Variants in SUGCT observed in about 807,000 individuals in gnomAD.
SUGCT encodes succinyl-CoA:glutarate CoA-transferase.
A neutral mutation model predicts 55.0 loss-of-function variants in SUGCT; 41 were observed. The ratio of observed to expected loss-of-function variants is 0.74; its 90% CI spans 0.58 to 0.97. The LOEUF is 0.97. SUGCT is among the 50% of genes least tolerant of loss of function. The probability of loss-of-function intolerance (pLI) is 0.00; values close to 1 mark genes in which losing one functional copy is unlikely to be tolerated. For missense variants in SUGCT, 568 were observed against 547.8 expected (o/e 1.04, Z -0.37); for synonymous variants, 187 against 200.4 (o/e 0.93, Z 0.56).
chr7:40,191,688 C>T (rs1762370781), intron 5 of SUGCT, among the ~76,000 whole-genome samples: 2 of 152,228 alleles, frequency 1.3e-5, no homozygotes, highest in Admixed American at 6.5e-5. Context: ...TGGGAACCAC[C>T]ATGGCCAGCC....
chr7:40,703,901 A>G (rs1785277331), intron 12 of SUGCT, among the ~76,000 whole-genome samples: 1 of 152,258 alleles, frequency 6.6e-6, no homozygotes, highest in Non-Finnish European at 1.5e-5. Context: ...GGAGCTCTAA[A>G]GCCACTAAAG....
rs549025119 is a variant in SUGCT at position 40,320,101 on chromosome 7, T to C, written c.816+3246T>C. On this transcript the variant is annotated intron_variant, in intron 9 of 13. Coordinates refer to ENST00000335693, the MANE Select transcript of SUGCT (RefSeq NM_001193313.2). The stretch of plus-strand genomic sequence containing the variant: ...TAAGGGATTAATAGTTACATAATAT[T>C]TGTTAATTTTTTGTTTTTTTTTTGA... Among the ~76,000 whole-genome samples the C allele has an allele frequency of 2.1e-5, 3 of 140,648 alleles. No individual in the cohort carries two copies. In the South Asian group the frequency reaches 7.3e-4, roughly 34 times the overall value. The allele number at this position is 140,648 out of a possible 152,430, so 92.3% of individuals were successfully genotyped here.
intron 9 of SUGCT, among the ~76,000 whole-genome samples, chr7:40,385,336 A>G (rs1785064555): frequency 6.6e-6 from 1 of 152,160 alleles, no homozygotes; most frequent in Non-Finnish European, 1.5e-5. Flanking sequence ...TAAGCAACTT[A>G]ATGTCACTGT....
chr7:41,000,903 T>C, the SUGCT span, among the ~76,000 whole-genome samples: 21 of 152,176 alleles, frequency 1.4e-4, no homozygotes, highest in Admixed American at 1.0e-3. Context: ...TCCTTGGCTT[T>C]GCATTTGACC....
chr7:40,606,119 A>G (rs1418351382), intron 12 of SUGCT, among the ~76,000 whole-genome samples: 1 of 152,220 alleles, frequency 6.6e-6, no homozygotes. Flanking sequence ...AATGTCAAAA[A>G]TAGCAACAGG....
chr7:40,952,333 G>T, the SUGCT span, among the ~76,000 whole-genome samples: 1 of 148,962 alleles, frequency 6.7e-6, no homozygotes, highest in Non-Finnish European at 1.5e-5. Context: ...CCTTTATTTT[G>T]AGCCTATGTG....
In SUGCT at chr7:40,763,243, G is replaced by T. The variant is rs200667904; in HGVS notation, c.1153+13746G>T. On this transcript the variant is annotated intron_variant, in intron 13 of 13. Transcript: ENST00000335693. ...GCTAACACTTAGTGAGCCTGAATAT[G>T]AATTAGGTGCTTTATACAGGAGTAT... 2.6e-5 allele frequency among the ~76,000 whole-genome samples: 4 copies of T among 152,116 alleles called. No individual in the cohort carries two copies. The East Asian group carries it at 5.8e-4, about 22-fold the overall frequency.
chr7:40,263,373 C>G (rs1791355258), intron 7 of SUGCT, among the ~76,000 whole-genome samples: 1 of 152,184 alleles, frequency 6.6e-6, no homozygotes, highest in African/African-American at 2.4e-5. Flanking sequence ...GATCTGAATA[C>G]AGCTTATTAG....
At chr7:40,989,975 C>T in the SUGCT span, among the ~76,000 whole-genome samples, 1 of 152,218 alleles carries the variant, frequency 6.6e-6, no homozygotes, top group Non-Finnish European at 1.5e-5. Context: ...TTCTTCCTAA[C>T]TCCTGTTAAT....
intron 9 of SUGCT, among the ~76,000 whole-genome samples, chr7:40,445,139 A>G (rs535529324): frequency 6.6e-5 from 10 of 152,240 alleles, no homozygotes; most frequent in African/African-American, 1.9e-4. Flanking sequence ...GCAAGAAATA[A>G]CTAAGATCAG....
At chr7:40,825,984 G>A (rs1029620) in intron 13 of SUGCT, among the ~76,000 whole-genome samples, 63,552 of 151,972 alleles carry the variant, frequency 0.42, 14,140 homozygotes, top group South Asian at 0.59. Flanking sequence ...TTTCCTTAAA[G>A]ATCTATTTTA....
intron 12 of SUGCT, among the ~76,000 whole-genome samples, chr7:40,552,978 C>T (rs948698738): frequency 2.6e-5 from 4 of 152,004 alleles, no homozygotes; most frequent in African/African-American, 7.3e-5. Context: ...TGGCCATTCT[C>T]CTAAAGAATG....
intron 6 of SUGCT, among the ~76,000 whole-genome samples, chr7:40,197,112 C>T (rs1370949656): frequency 1.3e-5 from 2 of 152,106 alleles, no homozygotes; most frequent in South Asian, 2.1e-4. Context: ...TGGGATTACA[C>T]GTGTGAGCCA....
chr7:40,982,549 G>T, the SUGCT span, among the ~76,000 whole-genome samples: 4 of 152,172 alleles, frequency 2.6e-5, no homozygotes, highest in African/African-American at 7.2e-5. Flanking sequence ...AGTCCAAGAA[G>T]TGAGTAATAC....
At chr7:40,449,136 G>T in intron 9 of SUGCT, 151 bp from the exon 10 acceptor site, 1 of 588,452 alleles carries the variant, frequency 1.7e-6, no homozygotes, top group East Asian at 2.9e-5. Context: ...AGATATATAT[G>T]TATACATATA....
intron 9 of SUGCT, among the ~76,000 whole-genome samples, chr7:40,373,713 T>C (rs570927338): frequency 1.3e-5 from 2 of 152,132 alleles, no homozygotes; most frequent in African/African-American, 2.4e-5. Context: ...AGGTGACTTA[T>C]GTATGATTGA....
At chr7:40,779,735 C>T (rs1216645784) in intron 13 of SUGCT, among the ~76,000 whole-genome samples, 1 of 152,312 alleles carries the variant, frequency 6.6e-6, no homozygotes. Context: ...TTAAACTCTT[C>T]ATTCCCACAA....
At chr7:40,448,855 C>CAT (rs1789008723) in intron 9 of SUGCT, among the ~76,000 whole-genome samples, 1 of 151,332 alleles carries the variant, frequency 6.6e-6, no homozygotes, top group South Asian at 2.1e-4. Context: ...TCACCAAATA[C>CAT]ATACACACAC....
intron 12 of SUGCT, among the ~76,000 whole-genome samples, chr7:40,676,691 CG>C (rs1562940468): frequency 1.3e-5 from 2 of 151,680 alleles, no homozygotes; most frequent in African/African-American, 2.4e-5. Context: ...TTAGTAGAGA[CG>C]GGGTTTCACC....
Sources: allele counts gnomAD v4.1 joint callset (sites outside exome capture counted in the v4.1 genomes callset), GRCh38; gene constraint gnomAD v4.1.1; transcripts MANE v1.5; gene names NCBI Gene and HGNC (gene_info 2026-07-23, HGNC 2026-07-21).